PHF19: variants seen among roughly 807,000 people sequenced by gnomAD.
PHF19 encodes polycomb like 3.
In PHF19, 21 loss-of-function variants were observed where a neutral mutation model predicts 79.8. The observed-to-expected ratio is 0.26, with a 90% CI of 0.19 to 0.38. The LOEUF is 0.38. Among genes scored for constraint, PHF19 ranks in the 10% least tolerant of loss-of-function variants. The pLI is 1.00. For missense variants in PHF19, 445 were observed against 744.2 expected, an observed-to-expected ratio of 0.60 and a Z score of 4.68; for synonymous variants, 273 against 296.3, an observed-to-expected ratio of 0.92 and a Z score of 0.81.
rs72758140 is a variant in PHF19, at chr9:120,866,550, G to A, written c.710+320C>T. On this transcript the variant is annotated intron_variant, in intron 7 of 14. Coordinates refer to ENST00000373896, the MANE Select transcript of PHF19 (RefSeq NM_015651.3). This position sits in a 1 kb window ranked among gnomAD's most constrained non-coding sequence, Gnocchi z 5.2. ...TGACTCCCACAGCAACCCTGGGCAG[G>A]GCTGGCGCAAGGACTGTGTCATCCC... Among the ~76,000 whole-genome samples, 598 of 152,304 alleles carry A rather than the reference G, an allele frequency of 3.9e-3. 3 individuals carry two copies. Among genetic ancestry groups the A allele is most frequent in the Admixed American group, 7.6e-3 (116 of 15,304 alleles).
At position 120,869,405 on chromosome 9, in the gene PHF19, G is replaced by T; in HGVS notation, c.466-75C>A. ...GCGAGTCAGCACGCGGCTGTCTATT[G>T]AGGGAAGTGCTGCCAGGGCTTGGGG... is the stretch of plus-strand genomic sequence containing the variant. On this transcript the variant is annotated intron_variant, in intron 5 of 14. Transcript: ENST00000373896. This position sits in a 1 kb window ranked among gnomAD's most constrained non-coding sequence, Gnocchi z 5.8. 6.6e-7 allele frequency: 1 copy of T among 1,512,722 alleles called. No individual in the cohort carries two copies. Among genetic ancestry groups the T allele is most frequent in the Non-Finnish European group, 9.0e-7 (1 of 1,116,266 alleles). The allele number at this position is 1,512,722 out of a possible 1,614,324, so 93.7% of individuals were successfully genotyped here. A position where few individuals can be genotyped will look rare whatever the true frequency, so the allele number is the denominator to read the frequency against.
chr9:120,881,382 C>T (rs138317854), upstream of PHF19, among the ~76,000 whole-genome samples: 807 of 152,164 alleles, frequency 5.3e-3, 4 homozygotes, highest in African/African-American at 0.018. Context: ...CTCCTGACCT[C>T]GTGATCCGCC....
chr9:120,896,437 C>CTT (rs58824573), upstream of PHF19, among the ~76,000 whole-genome samples: 3 of 124,028 alleles, frequency 2.4e-5, no homozygotes, highest in Non-Finnish European at 3.2e-5. Context: ...TTGTATGGTT[C>CTT]TTTTTTTTTT....
upstream of PHF19, chr9:120,877,221 CG>C: frequency 1.2e-5 from 2 of 170,978 alleles, no homozygotes; most frequent in Non-Finnish European, 1.6e-5. Flanking sequence ...GGGGTCTCGG[CG>C]GGGGCGGGGC....
At chr9:120,871,371 ACT>A (rs1372045267) in intron 3 of PHF19, among the ~76,000 whole-genome samples, 4 of 152,156 alleles carry the variant, frequency 2.6e-5, no homozygotes, top group African/African-American at 7.2e-5. Flanking sequence ...AAAGATCAAG[ACT>A]CTTTTTAAAA....
At position 120,877,173 on chromosome 9, in the gene PHF19, G is replaced by A. The variant is rs2046088331; in HGVS notation, c.-98C>T. ...GCGGAGGCGGCTGCGCTCGGCCCGC[G>A]GCTGCCCGGCCGAGTGTCCGCCCGT... On this transcript the variant is annotated 5_prime_UTR_variant, in exon 1 of 15. Transcript: ENST00000373896. The A allele has an allele frequency of 1.4e-5, 14 of 984,144 alleles. No individual in the cohort carries two copies. The highest frequency in any genetic ancestry group is 1.7e-5 in the Non-Finnish European group (14 of 829,408). 61.0% of individuals were successfully genotyped at this position (984,144 alleles called of 1,614,324 possible). A position where few individuals can be genotyped will look rare whatever the true frequency, so the allele number is the denominator to read the frequency against.
chr9:120,877,329 G>A (rs1444549742), upstream of PHF19: 39 of 980,800 alleles, frequency 4.0e-5, no homozygotes, highest in Non-Finnish European at 4.7e-5. Flanking sequence ...CATCTTTTTC[G>A]CGTTTTCCCG....
chr9:120,861,259 G>A (rs1030899892), intron 12 of PHF19, 85 bp from the exon 13 acceptor site: 2 of 815,572 alleles, frequency 2.5e-6, no homozygotes, highest in Non-Finnish European at 4.4e-6. Flanking sequence ...ATCCAGCCAG[G>A]GCCGCTGAGG....
intron 8 of PHF19, 23 bp from the exon 9 acceptor site, chr9:120,865,853 G>A (rs2045682524): frequency 6.2e-7 from 1 of 1,613,854 alleles, no homozygotes; most frequent in Non-Finnish European, 8.5e-7. Context: ...GCAAGGAGGT[G>A]GGACCAGGTG....
chr9:120,871,279 T>G (rs986084601), intron 3 of PHF19, among the ~76,000 whole-genome samples: 2 of 152,226 alleles, frequency 1.3e-5, no homozygotes, highest in African/African-American at 4.8e-5. Flanking sequence ...TATTCCCACC[T>G]ACTTCTCCTT....
chr9:120,862,645 A>C lies in PHF19; in HGVS notation c.1073T>G (p.Leu358Arg). 6.2e-7 allele frequency: 1 copy of C among 1,614,202 alleles called. No individual in the cohort carries two copies. Among genetic ancestry groups the C allele is most frequent in the Non-Finnish European group, 8.5e-7 (1 of 1,180,022 alleles). ...PGKLLPDKGL[L>R]PNENSASSEL... ...AGAGGAGGCGCTGTTCTCATTTGGC[A>C]GCAGTCCTTTGTCAGGCAGCAGCTT... Residue 358 changes from leucine to arginine, a missense_variant, in exon 11 of 15, where the codon CTG becomes CGG. By Grantham distance (102) the Leu-to-Arg change is moderately radical. Transcript: ENST00000373896. The surrounding 1 kb of genome is among the most constrained non-coding windows in gnomAD (Gnocchi z 4.6).
At chr9:120,886,388 G>A (rs2046263147) in intron 1 of PHF19, among the ~76,000 whole-genome samples, 1 of 152,186 alleles carries the variant, frequency 6.6e-6, no homozygotes, top group Admixed American at 6.5e-5. Flanking sequence ...AGTTTGTATG[G>A]ACACCGAACC....
chr9:120,886,366 G>T (rs1415650081), intron 1 of PHF19, among the ~76,000 whole-genome samples: 1 of 152,204 alleles, frequency 6.6e-6, no homozygotes, highest in African/African-American at 2.4e-5. Flanking sequence ...TGGCTGGTGT[G>T]GTGGCAAGTA....
chr9:120,869,903 T>A lies in PHF19; in HGVS notation c.407A>T (p.Asp136Val). Reference protein sequence around the residue: ...QCHIPIAGSADQPLLTPWFCR... With the variant: ...QCHIPIAGSAVQPLLTPWFCR... The stretch of plus-strand genomic sequence containing the variant: ...GAACCAAGGTGTGAGCAGGGGCTGG[T>A]CAGCACTGCCCGCTATGGGGATGTG... The change falls in exon 5 of 15, where the codon GAC (aspartate) becomes GTC (valine). Residue 136 changes from aspartate to valine, a missense_variant. Around this residue, in one of 5 missense-constraint regions of PHF19, gnomAD observed 167 missense variants for 375.8 expected, o/e 0.44. Coordinates refer to ENST00000373896, the MANE Select transcript of PHF19 (RefSeq NM_015651.3). The surrounding 1 kb of genome is among the most constrained non-coding windows in gnomAD (Gnocchi z 5.8). 1 of 1,588,778 alleles carries A rather than the reference T, an allele frequency of 6.3e-7. No homozygotes were observed. The highest frequency in any genetic ancestry group is 2.3e-5 in the East Asian group (1 of 43,538).
At position 120,869,292 on chromosome 9, in the gene PHF19, C is replaced by T; in HGVS notation, c.504G>A (p.Thr168=). Reference sequence around the variant, plus strand: ...ACAGCACCATCTTCACGGCCTGCAGCGTCCTGGCGATGGCGCCCTTCTTCA... The same window carrying T: ...ACAGCACCATCTTCACGGCCTGCAGTGTCCTGGCGATGGCGCCCTTCTTCA... ...GALKKGAIAR[T]LQAVKMVLSY... The change falls in exon 6 of 15, where the codon ACG becomes ACA. Residue 168 remains threonine (T), a synonymous_variant. Transcript: ENST00000373896. This position sits in a 1 kb window ranked among gnomAD's most constrained non-coding sequence, Gnocchi z 5.8. 1 of 1,612,950 alleles carries T rather than the reference C, an allele frequency of 6.2e-7. No homozygotes were observed. Among genetic ancestry groups the T allele is most frequent in the Non-Finnish European group, 8.5e-7 (1 of 1,179,766 alleles).
rs753741689 is a variant in PHF19 at position 120,860,139 on chromosome 9, C to T, written c.1351G>A (p.Ala451Thr). 24 of 1,600,332 alleles carry T rather than the reference C, an allele frequency of 1.5e-5. No homozygotes were observed. Among genetic ancestry groups the T allele is most frequent in the African/African-American group, 1.5e-4 (11 of 74,672 alleles). ...GAGGCAGAGCCAGAGGTGCTGGCAGCGTCGGTGGAGTCGACATCTGAGAAG... is the reference window on the plus strand; with the variant it reads ...GAGGCAGAGCCAGAGGTGCTGGCAGTGTCGGTGGAGTCGACATCTGAGAAG... ...TFFSDVDSTD[A>T]ASTSGSASTS... is the part of the protein sequence containing the mutation. Residue 451 changes from alanine (A) to threonine (T), a missense_variant, in exon 14 of 15, where the codon GCT becomes ACT. Ala to Thr is a moderately conservative substitution (Grantham distance 58, BLOSUM62 0). Coordinates refer to ENST00000373896, the MANE Select transcript of PHF19 (RefSeq NM_015651.3). This position sits in a 1 kb window ranked among gnomAD's most constrained non-coding sequence, Gnocchi z 4.1.
upstream of PHF19, among the ~76,000 whole-genome samples, chr9:120,895,570 C>T (rs534897026): frequency 6.6e-6 from 1 of 152,190 alleles, no homozygotes; most frequent in African/African-American, 2.4e-5. Context: ...TTGCTCCCCT[C>T]TCCCAGGGTT....
upstream of PHF19, among the ~76,000 whole-genome samples, chr9:120,896,437 CTTT>C (rs58824573): frequency 0.012 from 1,439 of 124,042 alleles, 24 homozygotes; most frequent in African/African-American, 0.038. Context: ...TTGTATGGTT[CTTT>C]TTTTTTTTTT....
At chr9:120,901,930 A>G in the PHF19 span, among the ~76,000 whole-genome samples, 1 of 152,294 alleles carries the variant, frequency 6.6e-6, no homozygotes, top group East Asian at 1.9e-4. Context: ...TGCTTCATCA[A>G]CTACAGCTGG....
Sources: gnomAD v4.1 joint callset for allele counts (sites outside exome capture counted in the v4.1 genomes callset) on GRCh38, gnomAD v4.1.1 for gene constraint, gnomAD v4.1.1 regional missense constraint, Gnocchi (gnomAD v3.1) non-coding constraint, MANE v1.5 for transcripts, NCBI Gene and HGNC (gene_info 2026-07-23, HGNC 2026-07-21) for gene names.